The following NPAS3 variants were observed in gnomAD, a reference collection of about 807,000 sequenced individuals.
The protein encoded by NPAS3 is neuronal PAS domain-containing protein 3.
NPAS3 carries 14 observed loss-of-function variants against 73.1 expected under a neutral mutation model. That is an observed-to-expected ratio of 0.19 (90% CI 0.13 to 0.30). The LOEUF is 0.30. NPAS3 is among the 10% of genes least tolerant of loss of function. The pLI is 1.00. For missense variants in NPAS3, 1,096 were observed against 1,250.0 expected (o/e 0.88, Z 1.86); for synonymous variants, 620 against 541.5 (o/e 1.14, Z -2.01).
intron 3 of NPAS3, among the ~76,000 whole-genome samples, chr14:33,272,325 A>G (rs760770373): frequency 7.2e-5 from 11 of 152,204 alleles, no homozygotes; most frequent in Non-Finnish European, 1.5e-4. Flanking sequence ...TGTCTAAACT[A>G]CTTAGTTTGG....
Position 33,677,487 on chromosome 14 carries a change from CA to C in NPAS3, c.733+1106del, listed in dbSNP as rs556770903. ...GTTGTTTTAAAATAGATTCGTAATA[CA>C]AAAGCATTTTATTAACAAGAAAAAT... On this transcript the variant is annotated intron_variant, in intron 6 of 11. Coordinates refer to ENST00000356141, the Ensembl canonical transcript of NPAS3. Among the ~76,000 whole-genome samples, 34 of 152,010 alleles carry C rather than the reference CA, an allele frequency of 2.2e-4. No individual in the cohort carries two copies. In the East Asian group the frequency reaches 5.6e-3, roughly 25 times the overall value.
In NPAS3 at chr14:33,109,505, G is replaced by A. The variant is rs186595812; in HGVS notation, c.140+53511G>A. On this transcript the variant is annotated intron_variant, in intron 2 of 11. Transcript: ENST00000356141. ...AAATCTGCAGTATATCCAAGTATTA[G>A]CATGCTGGGAAATACTGACTCAAGT... Among the ~76,000 whole-genome samples the A allele has an allele frequency of 2.3e-4, 35 of 152,236 alleles. No individual in the cohort carries two copies. In the East Asian group the frequency reaches 6.2e-3, roughly 27 times the overall value.
intron 5 of NPAS3, among the ~76,000 whole-genome samples, chr14:33,562,073 A>T (rs1315974249): frequency 6.6e-6 from 1 of 152,184 alleles, no homozygotes; most frequent in African/African-American, 2.4e-5. Context: ...CAGCATATGC[A>T]CATATATGGA....
rs541643636 is a variant in NPAS3 at position 33,726,995 on chromosome 14, T to C, written c.734-8219T>C. 7.9e-5 allele frequency among the ~76,000 whole-genome samples: 12 copies of C among 152,260 alleles called. No individual in the cohort carries two copies. The South Asian group carries it at 2.5e-3, about 32-fold the overall frequency. Reference sequence around the variant, plus strand: ...TGTAGAGCAGTTCCTCATCACACGGTATTGTAGTTAGTAATAGAGCTTTAA... The same window carrying C: ...TGTAGAGCAGTTCCTCATCACACGGCATTGTAGTTAGTAATAGAGCTTTAA... On this transcript the variant is annotated intron_variant, in intron 6 of 11. Transcript: ENST00000356141.
At chr14:33,418,362 T>C (rs539065923) in intron 4 of NPAS3, among the ~76,000 whole-genome samples, 3 of 151,900 alleles carry the variant, frequency 2.0e-5, no homozygotes, top group African/African-American at 7.2e-5. Flanking sequence ...AGAATGATAA[T>C]AGATAGTAGG....
At chr14:33,156,418 C>T (rs1263872778) in intron 2 of NPAS3, among the ~76,000 whole-genome samples, 2 of 152,092 alleles carry the variant, frequency 1.3e-5, no homozygotes, top group African/African-American at 2.4e-5. Flanking sequence ...GCTGACATTA[C>T]CAGTAACAAA....
chr14:33,565,780 G>A (rs568536217), intron 5 of NPAS3, among the ~76,000 whole-genome samples: 1 of 152,226 alleles, frequency 6.6e-6, no homozygotes, highest in African/African-American at 2.4e-5. Flanking sequence ...TTTGCAGTTG[G>A]TGTTCTAAAT....
chr14:33,643,965 T>A (rs1440887881), intron 5 of NPAS3, among the ~76,000 whole-genome samples: 1 of 152,202 alleles, frequency 6.6e-6, no homozygotes, highest in Non-Finnish European at 1.5e-5. Context: ...TGACAAAGCT[T>A]TATTTAATTT....
At chr14:33,177,068 CTTTTTA>C (rs978911651) in intron 2 of NPAS3, among the ~76,000 whole-genome samples, 29 of 70,726 alleles carry the variant, frequency 4.1e-4, no homozygotes, top group East Asian at 3.0e-3. Flanking sequence ...GGCTGTTTAT[CTTTTTA>C]TTATTATTAT....
At chr14:33,061,054 AG>A (rs2041079437) in intron 2 of NPAS3, among the ~76,000 whole-genome samples, 1 of 152,198 alleles carries the variant, frequency 6.6e-6, no homozygotes, top group African/African-American at 2.4e-5. Context: ...GTGAAGAAGG[AG>A]GGAACGTGCC....
intron 4 of NPAS3, among the ~76,000 whole-genome samples, chr14:33,538,306 CA>C (rs960106576): frequency 9.9e-5 from 15 of 152,254 alleles, no homozygotes; most frequent in Non-Finnish European, 1.6e-4. Flanking sequence ...AATGCTAAAC[CA>C]AAAGAACCTT....
intron 3 of NPAS3, among the ~76,000 whole-genome samples, chr14:33,273,516 G>A (rs1012766854): frequency 6.6e-6 from 1 of 152,130 alleles, no homozygotes. Flanking sequence ...ACAACCTAGA[G>A]AATTATGTGA....
At chr14:33,446,139 A>T (rs1344347464) in intron 4 of NPAS3, among the ~76,000 whole-genome samples, 1 of 142,814 alleles carries the variant, frequency 7.0e-6, no homozygotes, top group South Asian at 2.3e-4. Flanking sequence ...TATTTTTTCC[A>T]TCTTCTCTAG....
chr14:33,094,823 T>G (rs2042351755), intron 2 of NPAS3, among the ~76,000 whole-genome samples: 1 of 152,190 alleles, frequency 6.6e-6, no homozygotes, highest in African/African-American at 2.4e-5. Context: ...ATGTACAAAT[T>G]TATTGCAACT....
At chr14:33,142,905 C>A (rs147182291) in intron 2 of NPAS3, among the ~76,000 whole-genome samples, 1 of 151,836 alleles carries the variant, frequency 6.6e-6, no homozygotes, top group East Asian at 1.9e-4. Context: ...AGTTCAAGAC[C>A]AGCCTGGCCA....
intron 1 of NPAS3, among the ~76,000 whole-genome samples, chr14:32,953,136 A>G (rs982423256): frequency 1.6e-5 from 2 of 124,448 alleles, no homozygotes; most frequent in African/African-American, 7.4e-5. Context: ...AAAAAAAAAG[A>G]AAAAAAAAAA....
chr14:33,684,242 C>CAT (rs2060023626), intron 6 of NPAS3, among the ~76,000 whole-genome samples: 1 of 142,162 alleles, frequency 7.0e-6, no homozygotes, highest in Admixed American at 7.1e-5. Context: ...TTTTTTTTAA[C>CAT]ATAGTCTCTT....
Position 33,612,527 on chromosome 14 carries a change from G to A in NPAS3, c.558+52317G>A, listed in dbSNP as rs562715528. The A allele has an allele frequency of 8.8e-6, 4 of 455,996 alleles. No homozygotes were observed. The East Asian group carries it at 2.1e-4, about 24-fold the overall frequency. 28.2% of individuals were successfully genotyped at this position (455,996 alleles called of 1,614,324 possible). On this transcript the variant is annotated intron_variant, in intron 5 of 11. Transcript: ENST00000356141. ...CAAATTCTCCCTTGGAAGGAGTTTA[G>A]TTCCTCTGGCTTTAAAAGATATTAT...
intron 4 of NPAS3, among the ~76,000 whole-genome samples, chr14:33,433,436 T>A (rs1346708130): frequency 6.6e-6 from 1 of 152,128 alleles, no homozygotes; most frequent in African/African-American, 2.4e-5. Context: ...CCTGAATTAT[T>A]TAACCTCATC....
Sources: gnomAD v4.1 joint callset for allele counts (sites outside exome capture counted in the v4.1 genomes callset) on GRCh38, gnomAD v4.1.1 for gene constraint, MANE v1.5 for transcripts, NCBI Gene and HGNC (gene_info 2026-07-23, HGNC 2026-07-21) for gene names.